The following NCOA2 variants were observed in gnomAD, a reference collection of about 807,000 sequenced individuals.
NCOA2 encodes class E basic helix-loop-helix protein 75.
NCOA2 carries 21 observed loss-of-function variants against 145.1 expected under a neutral mutation model. The ratio of observed to expected loss-of-function variants is 0.14; its 90% CI spans 0.10 to 0.21. NCOA2 has a LOEUF of 0.21. NCOA2 is among the 10% of genes least tolerant of loss of function. NCOA2 has a pLI of 1.00. For missense variants in NCOA2, 1,472 were observed against 1,837.6 expected, an observed-to-expected ratio of 0.80 and a Z score of 3.64; for synonymous variants, 619 against 637.5, an observed-to-expected ratio of 0.97 and a Z score of 0.44.
At chr8:70,220,004 A>T (rs1820005072) in intron 2 of NCOA2, among the ~76,000 whole-genome samples, 1 of 152,210 alleles carries the variant, frequency 6.6e-6, no homozygotes, top group Non-Finnish European at 1.5e-5. Flanking sequence ...AGTTATATAA[A>T]TTACTTTTTC....
At chr8:70,210,912 A>G (rs1818951799) in intron 4 of NCOA2, among the ~76,000 whole-genome samples, 1 of 152,200 alleles carries the variant, frequency 6.6e-6, no homozygotes, top group Non-Finnish European at 1.5e-5. Context: ...TCACGCTGAC[A>G]ACTATGACTG....
At chr8:70,211,310 T>C (rs1818989000) in intron 4 of NCOA2, among the ~76,000 whole-genome samples, 1 of 151,814 alleles carries the variant, frequency 6.6e-6, no homozygotes, top group South Asian at 2.1e-4. Context: ...AATACAAAAA[T>C]TAGCTGGACG....
intron 1 of NCOA2, among the ~76,000 whole-genome samples, chr8:70,388,764 C>T (rs190030010): frequency 1.3e-5 from 2 of 152,088 alleles, no homozygotes; most frequent in African/African-American, 4.8e-5. Context: ...TTAAAAAGCA[C>T]ACACGCACAC....
At position 70,121,293 on chromosome 8, in the gene NCOA2, C is replaced by T. The variant is rs777661928; in HGVS notation, c.4383+9G>A. The T allele has an allele frequency of 7.5e-6, 12 of 1,608,544 alleles. No homozygotes were observed. The highest frequency in any genetic ancestry group is 1.6e-4 in the Middle Eastern group (1 of 6,076). ...TTCCATATTCATATATTTCACTGTT[C>T]TTTCTTACCCGTGTTGTGTCTCCCT... On this transcript the variant is annotated intron_variant, in intron 22 of 22. Transcript: ENST00000452400.
chr8:70,213,119 C>T (rs1327794604), intron 4 of NCOA2, among the ~76,000 whole-genome samples: 1 of 149,552 alleles, frequency 6.7e-6, no homozygotes, highest in African/African-American at 2.5e-5. Context: ...AAAACCACAC[C>T]AGATTACAAA....
At chr8:70,288,619 C>T (rs909161338) in intron 2 of NCOA2, among the ~76,000 whole-genome samples, 7 of 151,088 alleles carry the variant, frequency 4.6e-5, no homozygotes, top group South Asian at 2.1e-4. Context: ...AAATAAATTA[C>T]AATATTGGAA....
chr8:70,265,337 A>G (rs1421925808), intron 2 of NCOA2, among the ~76,000 whole-genome samples: 1 of 152,162 alleles, frequency 6.6e-6, no homozygotes, highest in African/African-American at 2.4e-5. Flanking sequence ...TGGCACCATG[A>G]TCTTAGACTC....
At position 70,350,110 on chromosome 8, in the gene NCOA2, T is replaced by C. The variant is rs993198744; in HGVS notation, c.-76-53310A>G. On this transcript the variant is annotated intron_variant, in intron 1 of 22. Coordinates refer to ENST00000452400, the MANE Select transcript of NCOA2 (RefSeq NM_006540.4). Reference sequence around the variant, plus strand: ...TTAACAGAACATATAGTATTTATCTTGGGTGTGTATAAGGTATGATTTTGA... The same window carrying C: ...TTAACAGAACATATAGTATTTATCTCGGGTGTGTATAAGGTATGATTTTGA... 2.6e-5 allele frequency among the ~76,000 whole-genome samples: 4 copies of C among 152,252 alleles called. No homozygotes were observed. In the East Asian group the frequency reaches 7.7e-4, roughly 29 times the overall value.
At chr8:70,253,640 C>T (rs555138798) in intron 2 of NCOA2, among the ~76,000 whole-genome samples, 1 of 152,176 alleles carries the variant, frequency 6.6e-6, no homozygotes, top group Non-Finnish European at 1.5e-5. Context: ...GCACCAAGAC[C>T]ATTCAATGGG....
intron 3 of NCOA2, 32 bp downstream of exon 3, chr8:70,216,628 A>G (rs760746773): frequency 1.3e-6 from 2 of 1,540,782 alleles, no homozygotes; most frequent in East Asian, 4.5e-5. Flanking sequence ...TTAACAGACA[A>G]TACTGATTCC....
rs6983978 is a variant in NCOA2 at position 70,290,449 on chromosome 8, A to G, written c.-20+6295T>C. The stretch of plus-strand genomic sequence containing the variant: ...GTGATCCGCCTGCCTCGGCCTCTCA[A>G]AGTGCTGGGATTACAGGTGTGAGCC... On this transcript the variant is annotated intron_variant, in intron 2 of 22. Transcript: ENST00000452400. Among the ~76,000 whole-genome samples, 1,416 of 152,194 alleles carry G rather than the reference A, an allele frequency of 9.3e-3. 22 individuals carry two copies. The highest frequency in any genetic ancestry group is 0.032 in the African/African-American group (1,318 of 41,524).
At chr8:70,236,654 C>G (rs1563663180) in intron 2 of NCOA2, among the ~76,000 whole-genome samples, 1 of 151,892 alleles carries the variant, frequency 6.6e-6, no homozygotes, top group Non-Finnish European at 1.5e-5. Context: ...TTCAGCCAAT[C>G]TCAAATTGGA....
chr8:70,403,664 GC>G (rs1814605566), intron 1 of NCOA2, 35 bp downstream of exon 1: 2 of 369,704 alleles, frequency 5.4e-6, no homozygotes, highest in African/African-American at 4.2e-5. Flanking sequence ...CCCGCCCCCC[GC>G]CCGCCCTCGC....
chr8:70,248,258 G>T (rs1822790286), intron 2 of NCOA2, among the ~76,000 whole-genome samples: 1 of 152,174 alleles, frequency 6.6e-6, no homozygotes, highest in African/African-American at 2.4e-5. Context: ...GATCTAAAGA[G>T]AAGAGTAAAG....
chr8:70,162,196 T>C (rs768659568), intron 9 of NCOA2, among the ~76,000 whole-genome samples: 4 of 152,172 alleles, frequency 2.6e-5, no homozygotes, highest in Non-Finnish European at 4.4e-5. Flanking sequence ...TACTGAAGTC[T>C]TGGGCTCAGT....
intron 2 of NCOA2, among the ~76,000 whole-genome samples, chr8:70,229,918 T>C (rs1820986827): frequency 6.6e-6 from 1 of 152,110 alleles, no homozygotes; most frequent in African/African-American, 2.4e-5. Context: ...GACTAACACA[T>C]AGTGTTATCT....
intron 8 of NCOA2, among the ~76,000 whole-genome samples, chr8:70,163,066 C>A (rs1436450353): frequency 6.6e-6 from 1 of 151,850 alleles, no homozygotes; most frequent in Admixed American, 6.6e-5. Context: ...AGGCGTGTAC[C>A]ACCACATTTG....
the NCOA2 span, among the ~76,000 whole-genome samples, chr8:70,415,060 T>C: frequency 1.3e-5 from 2 of 152,122 alleles, no homozygotes; most frequent in African/African-American, 2.4e-5. Context: ...CCTAACACCT[T>C]TGGAGGCTGA....
chr8:70,423,329 ATG>A, the NCOA2 span, among the ~76,000 whole-genome samples: 1 of 152,106 alleles, frequency 6.6e-6, no homozygotes, highest in African/African-American at 2.4e-5. Flanking sequence ...GGTTACAGGC[ATG>A]TACCACCATG....
Sources: gnomAD v4.1 joint callset for allele counts (sites outside exome capture counted in the v4.1 genomes callset) on GRCh38, gnomAD v4.1.1 for gene constraint, MANE v1.5 for transcripts, NCBI Gene and HGNC (gene_info 2026-07-23, HGNC 2026-07-21) for gene names.